TRAPPC12: variants seen among roughly 807,000 people sequenced by gnomAD.
TRAPPC12 encodes TPR repeat protein 15.
TRAPPC12 carries 61 observed loss-of-function variants against 69.2 expected under a neutral mutation model. The ratio of observed to expected loss-of-function variants is 0.88; its 90% CI spans 0.72 to 1.09. The LOEUF is 1.09. Ranked by LOEUF, TRAPPC12 falls within the 50% of genes least tolerant of loss-of-function variation. TRAPPC12 has a pLI of 0.00. For missense variants in TRAPPC12, 1,101 were observed against 1,016.4 expected (o/e 1.08, Z -1.13); for synonymous variants, 469 against 438.9 (o/e 1.07, Z -0.86).
chr2:3,465,920 A>G (rs907402333), intron 9 of TRAPPC12: 27 of 577,424 alleles, frequency 4.7e-5, no homozygotes, highest in Non-Finnish European at 7.7e-5. Flanking sequence ...GAACCCACAG[A>G]AAGTGTCATC....
Position 3,388,314 on chromosome 2 carries a change from G to T in TRAPPC12, c.691G>T (p.Ala231Ser), listed in dbSNP as rs766793590. The part of the protein sequence containing the change: ...SDFFDSFTTS[A>S]FISVSNPGAG... ...CTTCTTCGACTCCTTTACTACCTCC[G>T]CCTTCATTTCCGTCAGCAATCCCGG... is the stretch of plus-strand genomic sequence containing the variant. Residue 231 changes from alanine to serine, a missense_variant, in exon 2 of 12, where the codon GCC (alanine) becomes TCC (serine). Transcript: ENST00000324266. 3 of 1,604,488 alleles carry T rather than the reference G, an allele frequency of 1.9e-6. No homozygotes were observed. The highest frequency in any genetic ancestry group is 1.7e-5 in the Admixed American group (1 of 59,384).
intron 5 of TRAPPC12, among the ~76,000 whole-genome samples, chr2:3,436,321 A>T (rs980606111): frequency 1.3e-5 from 2 of 152,150 alleles, no homozygotes; most frequent in African/African-American, 2.4e-5. Context: ...ATCTTTTTTC[A>T]TGTGGCAATC....
chr2:3,388,478 A>C lies in TRAPPC12; in HGVS notation c.855A>C (p.Ala285=). ...ASPEPFAHIQ[A]VFAGSDDPFA... ...CAGAGCCTTTCGCGCACATCCAGGC[A>C]GTGTTTGCAGGGAGTGACGACCCCT... Residue 285 remains alanine, a synonymous_variant, in exon 2 of 12, where the codon GCA becomes GCC. Transcript: ENST00000324266. The C allele has an allele frequency of 6.2e-7, 1 of 1,612,572 alleles. No homozygotes were observed. Among genetic ancestry groups the C allele is most frequent in the Non-Finnish European group, 8.5e-7 (1 of 1,179,606 alleles).
At position 3,457,595 on chromosome 2, in the gene TRAPPC12, G is replaced by T. The variant is rs748895197; in HGVS notation, c.1531-26G>T. 1.2e-4 allele frequency: 190 copies of T among 1,607,610 alleles called. 3 individuals are homozygous for T. The South Asian group carries it at 2.1e-3, about 17-fold the overall frequency. On this transcript the variant is annotated intron_variant, in intron 6 of 11. Transcript: ENST00000324266. The stretch of plus-strand genomic sequence containing the variant: ...GACAAAAATTGGTTCCCATGATTTT[G>T]TCCTTCTCATTTGGAATGATTGCAG...
rs557193401 is a variant in TRAPPC12 at position 3,425,218 on chromosome 2, G to T, written c.1417+555G>T. ...AACCACCAGTTGGGAAGGGAGAAGG[G>T]CGGGTTACGGAGAGCCTTCTGCAGC... On this transcript the variant is annotated intron_variant, in intron 5 of 11. Coordinates refer to ENST00000324266, the MANE Select transcript of TRAPPC12 (RefSeq NM_016030.6). 2.0e-5 allele frequency among the ~76,000 whole-genome samples: 3 copies of T among 152,330 alleles called. No homozygotes were observed. In the East Asian group the frequency reaches 5.8e-4, roughly 29 times the overall value.
intron 3 of TRAPPC12, among the ~76,000 whole-genome samples, chr2:3,406,707 A>G (rs571131519): frequency 6.6e-6 from 1 of 152,194 alleles, no homozygotes; most frequent in Non-Finnish European, 1.5e-5. Context: ...TGGTTTGGCC[A>G]TGGGGAAGCT....
chr2:3,463,160 T>C (rs1348660972), intron 8 of TRAPPC12: 1 of 309,392 alleles, frequency 3.2e-6, no homozygotes, highest in African/African-American at 2.2e-5. Flanking sequence ...TTGGCCATTT[T>C]ACCTGTGAAG....
intron 2 of TRAPPC12, among the ~76,000 whole-genome samples, chr2:3,391,741 T>G (rs922117890): frequency 6.6e-6 from 1 of 152,178 alleles, no homozygotes; most frequent in Non-Finnish European, 1.5e-5. Flanking sequence ...TATTTGTCAC[T>G]GAATTCTTAC....
intron 6 of TRAPPC12, among the ~76,000 whole-genome samples, chr2:3,447,630 C>T (rs1378401560): frequency 6.6e-6 from 1 of 152,160 alleles, no homozygotes; most frequent in Non-Finnish European, 1.5e-5. Context: ...CCACCTCCAA[C>T]ACTGGAGCTC....
At chr2:3,407,386 A>T (rs974563457) in intron 3 of TRAPPC12, among the ~76,000 whole-genome samples, 1 of 152,038 alleles carries the variant, frequency 6.6e-6, no homozygotes, top group Non-Finnish European at 1.5e-5. Context: ...TCTTTATCTC[A>T]TATCAGACTA....
At chr2:3,460,427 G>A in intron 8 of TRAPPC12, 91 bp downstream of exon 8, 1 of 757,376 alleles carries the variant, frequency 1.3e-6, no homozygotes, top group Non-Finnish European at 2.3e-6. Context: ...ATAGATGCTG[G>A]CAGGGACCGG....
intron 3 of TRAPPC12, among the ~76,000 whole-genome samples, chr2:3,403,973 T>C (rs990052898): frequency 6.6e-6 from 1 of 152,214 alleles, no homozygotes; most frequent in African/African-American, 2.4e-5. Context: ...ACAAAATTTT[T>C]TCCTTAATTG....
intron 3 of TRAPPC12, among the ~76,000 whole-genome samples, chr2:3,409,741 C>CTTTTTTTTTTTTTTTTTTTTTT (rs1558358525): frequency 8.3e-4 from 43 of 51,808 alleles, no homozygotes; most frequent in Non-Finnish European, 1.4e-3. Context: ...CAAAGCAAGA[C>CTTTTTTTTTTTTTTTTTTTTTT]TTTGTCTTTA....
intron 9 of TRAPPC12, chr2:3,472,315 C>G (rs1463737011): frequency 6.6e-6 from 1 of 152,336 alleles, no homozygotes; most frequent in Admixed American, 6.5e-5. Flanking sequence ...GGGGTGCGGG[C>G]ACCTTGACCG....
intron 6 of TRAPPC12, chr2:3,457,087 G>A (rs1665193447): frequency 1.3e-5 from 6 of 463,824 alleles, no homozygotes; most frequent in South Asian, 9.3e-5. Context: ...GGAAAAGATG[G>A]TGCACATACA....
chr2:3,381,839 C>T (rs1014698716), intron 1 of TRAPPC12, among the ~76,000 whole-genome samples: 1 of 152,188 alleles, frequency 6.6e-6, no homozygotes, highest in Non-Finnish European at 1.5e-5. Flanking sequence ...GTTACTATAT[C>T]CTGGCTTTTC....
At chr2:3,460,465 G>A in intron 8 of TRAPPC12, 129 bp downstream of exon 8, 1 of 632,380 alleles carries the variant, frequency 1.6e-6, no homozygotes, top group Non-Finnish European at 2.8e-6. Flanking sequence ...CTAAGTACTG[G>A]CTTAACAGGG....
intron 2 of TRAPPC12, among the ~76,000 whole-genome samples, chr2:3,393,840 A>G (rs1460990723): frequency 2.0e-5 from 3 of 152,238 alleles, no homozygotes; most frequent in East Asian, 1.9e-4. Context: ...GCCTTGAATT[A>G]GAAGAATTGG....
At chr2:3,477,674 G>A (rs368568193) in intron 9 of TRAPPC12, 21 bp from the exon 10 acceptor site, 13 of 1,524,932 alleles carry the variant, frequency 8.5e-6, no homozygotes, top group Non-Finnish European at 1.1e-5. Flanking sequence ...CAACTAAACT[G>A]ACTAAATTTT....
Sources: gnomAD v4.1 joint callset for allele counts (sites outside exome capture counted in the v4.1 genomes callset) on GRCh38, gnomAD v4.1.1 for gene constraint, MANE v1.5 for transcripts, NCBI Gene and HGNC (gene_info 2026-07-23, HGNC 2026-07-21) for gene names.